Variants in AVEN observed in about 807,000 individuals in gnomAD.
AVEN encodes apoptosis and caspase activation inhibitor.
In AVEN, 41 loss-of-function variants were observed where a neutral mutation model predicts 38.1. That is an observed-to-expected ratio of 1.08 (90% CI 0.84 to 1.40). The LOEUF is 1.40. AVEN is among the 40% of genes most tolerant of loss of function. The pLI is 0.00. For synonymous variants in AVEN, 206 were observed against 171.8 expected (o/e 1.20, Z -1.56); for missense variants, 605 against 438.8 (o/e 1.38, Z -3.38).
intron 11 of AVEN, among the ~76,000 whole-genome samples, chr15:33,860,066 G>A (rs1248237541): frequency 6.6e-6 from 1 of 152,136 alleles, no homozygotes; most frequent in African/African-American, 2.4e-5. Flanking sequence ...GGGAGGTAGG[G>A]TAGGAGCAGA....
intron 1 of AVEN, among the ~76,000 whole-genome samples, chr15:34,026,663 A>C (rs934847976): frequency 1.3e-5 from 2 of 152,090 alleles, no homozygotes; most frequent in Non-Finnish European, 2.9e-5. Flanking sequence ...ACTGAGGACA[A>C]GAGGAAAAAA....
At chr15:33,945,821 A>G (rs927888350) in intron 2 of AVEN, among the ~76,000 whole-genome samples, 1 of 152,058 alleles carries the variant, frequency 6.6e-6, no homozygotes, top group South Asian at 2.1e-4. Flanking sequence ...TCCTGACCTC[A>G]TGATCCGCCC....
chr15:34,020,114 A>C (rs1054853299), intron 1 of AVEN, among the ~76,000 whole-genome samples: 1 of 152,142 alleles, frequency 6.6e-6, no homozygotes, highest in African/African-American at 2.4e-5. Context: ...GATCGAGACC[A>C]TCTTGGCTAA....
chr15:33,904,382 T>C (rs926787185), intron 2 of AVEN, among the ~76,000 whole-genome samples: 1 of 152,222 alleles, frequency 6.6e-6, no homozygotes, highest in Admixed American at 6.5e-5. Flanking sequence ...ATCGTGCCAC[T>C]GCACTGAAGC....
rs112023829 is a variant in AVEN at position 33,914,353 on chromosome 15, G to C, written c.446-38358C>G. Among the ~76,000 whole-genome samples the C allele has an allele frequency of 1.6e-4, 25 of 152,168 alleles. 1 individual carries two copies. The highest frequency in any genetic ancestry group is 5.8e-4 in the East Asian group (3 of 5,178). Reference sequence around the variant, plus strand: ...ACGTATGCGCACAGATGCCAAAGAAGTAAGTCCAGAAATAGACCTGTACCT... The same window carrying C: ...ACGTATGCGCACAGATGCCAAAGAACTAAGTCCAGAAATAGACCTGTACCT... On this transcript the variant is annotated intron_variant, in intron 2 of 5. Coordinates refer to ENST00000306730, the MANE Select transcript of AVEN (RefSeq NM_020371.3).
intron 2 of AVEN, among the ~76,000 whole-genome samples, chr15:33,983,530 A>C (rs1328989943): frequency 6.6e-6 from 1 of 152,120 alleles, no homozygotes; most frequent in Non-Finnish European, 1.5e-5. Flanking sequence ...CCTCTTGTCC[A>C]AGGCAATTCT....
downstream of AVEN, chr15:33,857,934 G>A (rs779105326): frequency 1.4e-5 from 19 of 1,379,512 alleles, no homozygotes; most frequent in South Asian, 2.3e-5. Flanking sequence ...CACCCACTGC[G>A]GGGCCAGCCC....
At chr15:33,858,578 C>G (rs2079971413), downstream of AVEN, 1 of 153,720 alleles carries the variant, frequency 6.5e-6, no homozygotes, top group Non-Finnish European at 1.4e-5. Context: ...CATCGTCTCT[C>G]AGAACAGAGA....
chr15:33,866,670 G>A lies in AVEN; in HGVS notation c.1032C>T (p.Thr344=). The stretch of plus-strand genomic sequence containing the variant: ...GCTCTTCCTCGGTAACATTTTTGGA[G>A]GTACTTGGTTGCTCAGGTTCCATGT... The part of the protein sequence containing the change: ...EKNMEPEQPS[T]SKNVTEEELE... Residue 344 remains threonine, a synonymous_variant, in exon 6 of 6, where the codon ACC becomes ACT. Coordinates refer to ENST00000306730, the MANE Select transcript of AVEN (RefSeq NM_020371.3). The A allele has an allele frequency of 2.5e-6, 4 of 1,614,008 alleles. No individual in the cohort carries two copies. The highest frequency in any genetic ancestry group is 2.5e-6 in the Non-Finnish European group (3 of 1,179,954).
At chr15:33,944,679 G>A (rs187213234) in intron 2 of AVEN, among the ~76,000 whole-genome samples, 19 of 152,012 alleles carry the variant, frequency 1.2e-4, no homozygotes, top group Non-Finnish European at 2.4e-4. Flanking sequence ...CGTGGTGGCC[G>A]GCGCCTGTAG....
intron 2 of AVEN, among the ~76,000 whole-genome samples, chr15:34,000,876 T>G (rs1002426630): frequency 6.6e-6 from 1 of 152,070 alleles, no homozygotes; most frequent in Non-Finnish European, 1.5e-5. Context: ...ACAAGCCACT[T>G]CAGAAGAAAT....
At chr15:33,854,590 T>TA, downstream of AVEN, 1 of 1,043,404 alleles carries the variant, frequency 9.6e-7, no homozygotes, top group South Asian at 1.6e-5. Context: ...GGGGAACACT[T>TA]ATACAATGGT....
chr15:34,002,521 G>A (rs1392989353), intron 2 of AVEN, among the ~76,000 whole-genome samples: 1 of 106,834 alleles, frequency 9.4e-6, no homozygotes, highest in African/African-American at 2.6e-5. Context: ...GGAAAGGCTG[G>A]GTTTTTCACT....
the AVEN span, chr15:33,853,069 C>A: frequency 1.2e-6 from 2 of 1,603,474 alleles, no homozygotes; most frequent in Non-Finnish European, 1.7e-6. Flanking sequence ...ACTACTGGGA[C>A]AAGTTTGTAA....
At chr15:33,875,122 C>T (rs763034221) in intron 3 of AVEN, among the ~76,000 whole-genome samples, 2 of 152,156 alleles carry the variant, frequency 1.3e-5, no homozygotes, top group Non-Finnish European at 2.9e-5. Context: ...ACAGATCAAA[C>T]GAGCCACCCA....
intron 2 of AVEN, among the ~76,000 whole-genome samples, chr15:33,890,976 G>C (rs1891923049): frequency 1.3e-5 from 2 of 152,072 alleles, no homozygotes; most frequent in South Asian, 2.1e-4. Context: ...GAGCGTGGTG[G>C]TGCACATGTG....
chr15:33,853,497 T>C, the AVEN span: 100 of 1,587,340 alleles, frequency 6.3e-5, no homozygotes, highest in Non-Finnish European at 7.8e-5. Flanking sequence ...ACCCCAGAGC[T>C]AGAAAATATT....
At chr15:33,909,728 T>C (rs1892846140) in intron 2 of AVEN, among the ~76,000 whole-genome samples, 1 of 152,226 alleles carries the variant, frequency 6.6e-6, no homozygotes, top group Non-Finnish European at 1.5e-5. Flanking sequence ...AAAACAATTT[T>C]GGAATGGCTA....
intron 1 of AVEN, among the ~76,000 whole-genome samples, chr15:34,004,855 A>G (rs981335028): frequency 6.6e-6 from 1 of 152,288 alleles, no homozygotes. Context: ...AGATGCATGT[A>G]GAATCTAAAG....
Sources: gnomAD v4.1 joint callset for allele counts (sites outside exome capture counted in the v4.1 genomes callset) on GRCh38, gnomAD v4.1.1 for gene constraint, MANE v1.5 for transcripts, NCBI Gene and HGNC (gene_info 2026-07-23, HGNC 2026-07-21) for gene names.